Variants in SRGAP3 observed in about 807,000 individuals in gnomAD.
SRGAP3 encodes the protein SLIT-ROBO Rho GTPase-activating protein 3.
SRGAP3 carries 39 observed loss-of-function variants against 121.1 expected under a neutral mutation model. The ratio of observed to expected loss-of-function variants is 0.32; its 90% CI spans 0.25 to 0.42. The LOEUF (loss-of-function observed/expected upper bound fraction) is 0.42, where lower values mean the gene tolerates loss of function less well. Ranked by LOEUF, SRGAP3 falls within the 10% of genes least tolerant of loss-of-function variation. The pLI is 1.00. For synonymous variants in SRGAP3, 601 were observed against 570.0 expected, an observed-to-expected ratio of 1.05 and a Z score of -0.77; for missense variants, 1,213 against 1,470.6, an observed-to-expected ratio of 0.82 and a Z score of 2.86.
chr3:9,106,381 C>A (rs1009899862), intron 2 of SRGAP3, among the ~76,000 whole-genome samples: 3 of 152,304 alleles, frequency 2.0e-5, no homozygotes, highest in Admixed American at 2.0e-4. Context: ...CTCCAGGGTT[C>A]CCCCAGGCCT....
intron 10 of SRGAP3, among the ~76,000 whole-genome samples, chr3:9,039,386 AGT>A (rs1944916628): frequency 6.6e-6 from 1 of 152,186 alleles, no homozygotes; most frequent in Non-Finnish European, 1.5e-5. Flanking sequence ...AGTGACCGCA[AGT>A]GCTTACCAAG....
intron 4 of SRGAP3, among the ~76,000 whole-genome samples, chr3:9,073,300 T>G (rs1051885677): frequency 4.6e-5 from 7 of 152,118 alleles, no homozygotes; most frequent in Non-Finnish European, 7.4e-5. Flanking sequence ...CCCGCTAACA[T>G]GCCTTGCTAA....
At chr3:9,327,166 G>A (rs182474036) in intron 2 of SRGAP3, among the ~76,000 whole-genome samples, 12 of 151,760 alleles carry the variant, frequency 7.9e-5, no homozygotes, top group Admixed American at 3.9e-4. Flanking sequence ...TTACCGTAAG[G>A]TAAGATTTTT....
At chr3:9,133,302 C>T (rs751305058) in intron 1 of SRGAP3, among the ~76,000 whole-genome samples, 1 of 151,940 alleles carries the variant, frequency 6.6e-6, no homozygotes, top group Non-Finnish European at 1.5e-5. Context: ...GCCAACACAG[C>T]GATACCCTGT....
intron 1 of SRGAP3, among the ~76,000 whole-genome samples, chr3:9,147,562 C>T (rs78649891): frequency 6.6e-6 from 1 of 152,220 alleles, no homozygotes; most frequent in East Asian, 1.9e-4. Flanking sequence ...CAGCTTGTCA[C>T]TCATCAGTGC....
At chr3:9,047,889 G>C (rs1026849196) in intron 9 of SRGAP3, among the ~76,000 whole-genome samples, 9 of 152,250 alleles carry the variant, frequency 5.9e-5, no homozygotes, top group African/African-American at 2.2e-4. Flanking sequence ...GCCGAAGCTA[G>C]GGAGCTTTAT....
intron 1 of SRGAP3, among the ~76,000 whole-genome samples, chr3:9,137,589 T>C (rs867791680): frequency 9.9e-5 from 15 of 152,166 alleles, no homozygotes; most frequent in African/African-American, 3.6e-4. Flanking sequence ...GGAATTAGCA[T>C]TGGATATACA....
At chr3:9,154,195 C>CA (rs1950320180) in intron 1 of SRGAP3, among the ~76,000 whole-genome samples, 2 of 152,154 alleles carry the variant, frequency 1.3e-5, no homozygotes, top group Admixed American at 1.3e-4. Flanking sequence ...GGAAGCATCC[C>CA]ATCACACCAC....
intron 3 of SRGAP3, among the ~76,000 whole-genome samples, chr3:9,294,471 T>A (rs560889567): frequency 6.6e-6 from 1 of 152,000 alleles, no homozygotes; most frequent in African/African-American, 2.4e-5. Flanking sequence ...CAAACTCCCA[T>A]GACACACATT....
intron 3 of SRGAP3, among the ~76,000 whole-genome samples, chr3:9,081,545 A>G (rs797020987): frequency 1.3e-5 from 2 of 152,212 alleles, no homozygotes; most frequent in African/African-American, 4.8e-5. Flanking sequence ...GGCTTCTAAG[A>G]CTACATGCAT....
chr3:8,992,642 CATT>C lies in SRGAP3; in HGVS notation c.2558+261_2558+263del, dbSNP rs1274679954. On this transcript the variant is annotated intron_variant, in intron 20 of 21. Coordinates refer to ENST00000383836, the MANE Select transcript of SRGAP3 (RefSeq NM_014850.4). ...CTTGCCAATTTGTATCTCTCTCACACATTATTATTATTTTAAATAAAAAAGCAC... is the reference window on the plus strand; with the variant it reads ...CTTGCCAATTTGTATCTCTCTCACACATTATTATTTTAAATAAAAAAGCAC... The C allele has an allele frequency of 1.8e-5, 10 of 566,992 alleles. No individual in the cohort carries two copies. In the Admixed American group the frequency reaches 2.4e-4, roughly 14 times the overall value. The allele number at this position is 566,992 out of a possible 1,614,324, so 35.1% of individuals were successfully genotyped here.
chr3:9,295,927 C>T (rs1017495961), intron 3 of SRGAP3, among the ~76,000 whole-genome samples: 13 of 152,270 alleles, frequency 8.5e-5, no homozygotes, highest in Admixed American at 8.5e-4. Context: ...TTTCAATTAA[C>T]ATCATGTCTT....
chr3:9,012,247 G>A (rs1943413414), intron 17 of SRGAP3, among the ~76,000 whole-genome samples: 1 of 152,204 alleles, frequency 6.6e-6, no homozygotes, highest in Non-Finnish European at 1.5e-5. Context: ...CAATTCAAAA[G>A]TCCAGGAATG....
At chr3:9,362,116 G>C (rs2030890815) in intron 1 of SRGAP3, among the ~76,000 whole-genome samples, 1 of 149,626 alleles carries the variant, frequency 6.7e-6, no homozygotes, top group Non-Finnish European at 1.5e-5. Flanking sequence ...CTGACTGGAA[G>C]CTAGGCTTCC....
chr3:8,998,520 T>C (rs1313533080), intron 18 of SRGAP3, among the ~76,000 whole-genome samples: 3 of 144,624 alleles, frequency 2.1e-5, no homozygotes, highest in Non-Finnish European at 4.5e-5. Flanking sequence ...TGTGTATTTA[T>C]GTGTTTGTGG....
intron 1 of SRGAP3, among the ~76,000 whole-genome samples, chr3:9,161,319 G>A (rs1241173463): frequency 6.6e-6 from 1 of 152,198 alleles, no homozygotes; most frequent in Admixed American, 6.5e-5. Context: ...GAACTCCCAT[G>A]GGCCAGTGCC....
chr3:9,152,176 A>C (rs1344324862), intron 1 of SRGAP3, among the ~76,000 whole-genome samples: 1 of 152,224 alleles, frequency 6.6e-6, no homozygotes, highest in Non-Finnish European at 1.5e-5. Flanking sequence ...AATCCTTGTT[A>C]AATGTCCTTG....
chr3:9,078,176 G>A (rs1947061723), intron 4 of SRGAP3, among the ~76,000 whole-genome samples: 1 of 152,086 alleles, frequency 6.6e-6, no homozygotes, highest in Non-Finnish European at 1.5e-5. Context: ...CAGCAGAGGG[G>A]GAAGGTATTT....
intron 3 of SRGAP3, among the ~76,000 whole-genome samples, chr3:9,284,196 A>G (rs1954727842): frequency 6.6e-6 from 1 of 152,192 alleles, no homozygotes; most frequent in Non-Finnish European, 1.5e-5. Flanking sequence ...CTCTTCCTGA[A>G]ACAACCATCC....
Sources: allele counts gnomAD v4.1 joint callset (sites outside exome capture counted in the v4.1 genomes callset), GRCh38; gene constraint gnomAD v4.1.1; transcripts MANE v1.5; gene names NCBI Gene and HGNC (gene_info 2026-07-23, HGNC 2026-07-21).